Variants in VWA5B1 observed in about 807,000 individuals in gnomAD.
VWA5B1 encodes the protein von Willebrand factor A domain containing 5B1.
In VWA5B1, 115 loss-of-function variants were observed where a neutral mutation model predicts 118.2. The ratio of observed to expected loss-of-function variants is 0.97; its 90% CI spans 0.84 to 1.14. VWA5B1 has a LOEUF of 1.14. VWA5B1 is among the 50% of genes most tolerant of loss of function. The pLI is 0.00. For synonymous variants in VWA5B1, 682 were observed against 658.4 expected (o/e 1.04, Z -0.55); for missense variants, 1,596 against 1,603.8 (o/e 1.00, Z 0.08).
chr1:20,311,351 G>C (rs2088843055), intron 2 of VWA5B1, among the ~76,000 whole-genome samples: 1 of 152,200 alleles, frequency 6.6e-6, no homozygotes. Context: ...CTCACAAGAG[G>C]AGAGGCATCA....
In VWA5B1 at chr1:20,318,699, G is replaced by A; in HGVS notation, c.819G>A (p.Val273=). 1 of 1,520,588 alleles carries A rather than the reference G, an allele frequency of 6.6e-7. No individual in the cohort carries two copies. Among genetic ancestry groups the A allele is most frequent in the Non-Finnish European group, 8.9e-7 (1 of 1,128,650 alleles). 94.2% of individuals were successfully genotyped at this position (1,520,588 alleles called of 1,614,324 possible). The change falls in exon 6 of 22, where the codon GTG becomes GTA. Residue 273 remains valine (V), a synonymous_variant. Coordinates refer to ENST00000289815, the MANE Select transcript of VWA5B1 (RefSeq NM_001039500.3). ...ACAAGCACACCTTTGACCGGCCTGTGGAGATCCTCATCCACCCCAGCGGTA... is the reference window on the plus strand; with the variant it reads ...ACAAGCACACCTTTGACCGGCCTGTAGAGATCCTCATCCACCCCAGCGGTA... ...LANKHTFDRP[V]EILIHPSEPH... is the part of the protein sequence containing the mutation.
intron 1 of VWA5B1, among the ~76,000 whole-genome samples, chr1:20,306,826 A>G (rs554266005): frequency 1.3e-5 from 2 of 152,310 alleles, no homozygotes; most frequent in African/African-American, 2.4e-5. Flanking sequence ...CCAACATTTC[A>G]TCAGGAAAAC....
chr1:20,313,007 C>T lies in VWA5B1; in HGVS notation c.292+19C>T. The T allele has an allele frequency of 6.5e-7, 1 of 1,548,148 alleles. No homozygotes were observed. Among genetic ancestry groups the T allele is most frequent in the Non-Finnish European group, 8.7e-7 (1 of 1,144,766 alleles). On this transcript the variant is annotated intron_variant, in intron 3 of 21. Transcript: ENST00000289815. ...GTCACAGGTAAGGAGACCAGAAGGG[C>T]TGCCGCGGGACCTGGGTTTGGCCAG...
chr1:20,349,554 T>G (rs1194500270), intron 18 of VWA5B1, among the ~76,000 whole-genome samples: 1 of 151,936 alleles, frequency 6.6e-6, no homozygotes, highest in Non-Finnish European at 1.5e-5. Context: ...CCGCTCATTT[T>G]ATATTTTTAG....
Position 20,355,768 on chromosome 1 carries a change from AAGC to A in VWA5B1, c.*1509_*1511del, listed in dbSNP as rs1461422433. Among the ~76,000 whole-genome samples the A allele has an allele frequency of 6.6e-6, 1 of 152,130 alleles. No homozygotes were observed. The highest frequency in any genetic ancestry group is 1.5e-5 in the Non-Finnish European group (1 of 68,000). On this transcript the variant is annotated 3_prime_UTR_variant, in exon 22 of 22. Coordinates refer to ENST00000289815, the MANE Select transcript of VWA5B1 (RefSeq NM_001039500.3). ...CGCCCACTGGGCACAAGGGGAGAAAAAGCAGCCCCAACATGATATGGTGCCCTG... is the reference window on the plus strand; with the variant it reads ...CGCCCACTGGGCACAAGGGGAGAAAAAGCCCCAACATGATATGGTGCCCTG...
At chr1:20,303,674 A>G (rs2088563026) in intron 1 of VWA5B1, among the ~76,000 whole-genome samples, 1 of 152,176 alleles carries the variant, frequency 6.6e-6, no homozygotes, top group African/African-American at 2.4e-5. Flanking sequence ...ACTGGGACCT[A>G]GGTACCCCTA....
chr1:20,307,969 C>G (rs2088712600), intron 1 of VWA5B1, among the ~76,000 whole-genome samples: 1 of 151,842 alleles, frequency 6.6e-6, no homozygotes, highest in Admixed American at 6.6e-5. Context: ...GCCACTGATC[C>G]CGTCACCCAG....
chr1:20,336,489 T>G lies in VWA5B1; in HGVS notation c.1942+3T>G. The G allele has an allele frequency of 7.2e-7, 1 of 1,387,986 alleles. No homozygotes were observed. The highest frequency in any genetic ancestry group is 9.5e-7 in the Non-Finnish European group (1 of 1,056,752). 86.0% of individuals were successfully genotyped at this position (1,387,986 alleles called of 1,614,324 possible). A position where few individuals can be genotyped will look rare whatever the true frequency, so the allele number is the denominator to read the frequency against. Reference sequence around the variant, plus strand: ...CGGAGACTCTACCACCAAGCACGGTTCGTCTGCGGCTCTGATGATTGCTGC... The same window carrying G: ...CGGAGACTCTACCACCAAGCACGGTGCGTCTGCGGCTCTGATGATTGCTGC... On this transcript the variant is annotated splice_donor_region_variant and intron_variant, in intron 13 of 21. Coordinates refer to ENST00000289815, the MANE Select transcript of VWA5B1 (RefSeq NM_001039500.3).
At chr1:20,333,598 T>A (rs2089632951) in intron 12 of VWA5B1, among the ~76,000 whole-genome samples, 1 of 152,246 alleles carries the variant, frequency 6.6e-6, no homozygotes, top group Non-Finnish European at 1.5e-5. Flanking sequence ...GGTGCACACT[T>A]TAGTTCAAGA....
At chr1:20,352,559 A>G (rs1272289161) in intron 21 of VWA5B1, among the ~76,000 whole-genome samples, 1 of 152,182 alleles carries the variant, frequency 6.6e-6, no homozygotes, top group Non-Finnish European at 1.5e-5. Context: ...TAAAATTAAC[A>G]TCCCAGGGAC....
At chr1:20,346,463 T>TA (rs2090010948) in intron 17 of VWA5B1, among the ~76,000 whole-genome samples, 2 of 152,256 alleles carry the variant, frequency 1.3e-5, no homozygotes, top group Admixed American at 1.3e-4. Context: ...TTGGTTATTG[T>TA]AAATTATACC....
rs887475288 is a variant in VWA5B1, at chr1:20,319,478, TGAA to T, written c.947_949del (p.Lys316del). 1.5e-5 allele frequency: 23 copies of T among 1,551,566 alleles called. No homozygotes were observed. Among genetic ancestry groups the T allele is most frequent in the Admixed American group, 1.4e-4 (7 of 50,988 alleles). On this transcript the variant is annotated inframe_deletion, in exon 7 of 22. Transcript: ENST00000289815. ...GGAAGAACAGATTTCATTAAAGGGATGAAGAAGAAGAGCAGAGCAGAGCGGAAG... is the reference window on the plus strand; with the variant it reads ...GGAAGAACAGATTTCATTAAAGGGATGAAGAAGAGCAGAGCAGAGCGGAAG...
intron 1 of VWA5B1, among the ~76,000 whole-genome samples, chr1:20,307,768 C>T (rs1032099246): frequency 6.6e-6 from 1 of 151,406 alleles, no homozygotes; most frequent in Non-Finnish European, 1.5e-5. Flanking sequence ...ACCAGGCCTC[C>T]ACAGGATTTA....
At position 20,319,417 on chromosome 1, in the gene VWA5B1, G is replaced by C. The variant is rs922565789; in HGVS notation, c.877G>C (p.Asp293His). 1 of 1,551,782 alleles carries C rather than the reference G, an allele frequency of 6.4e-7. No homozygotes were observed. The highest frequency in any genetic ancestry group is 1.2e-5 in the South Asian group (1 of 84,062). The change falls in exon 7 of 22, where the codon GAC becomes CAC. Residue 293 changes from aspartate to histidine, a missense_variant. Transcript: ENST00000289815. Reference sequence around the variant, plus strand: ...GCCCCATGTCCTGATAGAGAAAGGGGACATGACCCTGGGAGAGTTTGACCA... The same window carrying C: ...GCCCCATGTCCTGATAGAGAAAGGGCACATGACCCTGGGAGAGTTTGACCA... ...HMPHVLIEKG[D>H]MTLGEFDQHL...
At chr1:20,299,303 C>A (rs2088462037) in intron 1 of VWA5B1, among the ~76,000 whole-genome samples, 2 of 152,212 alleles carry the variant, frequency 1.3e-5, no homozygotes, top group Non-Finnish European at 2.9e-5. Flanking sequence ...AGGGGCAATA[C>A]CAACCTTGCC....
chr1:20,350,341 C>A, intron 19 of VWA5B1, 111 bp downstream of exon 19: 1 of 1,208,762 alleles, frequency 8.3e-7, no homozygotes, highest in Non-Finnish European at 1.2e-6. Flanking sequence ...ATGGAGTCCT[C>A]AAAGCAGCCG....
At chr1:20,299,682 G>T (rs1012139693) in intron 1 of VWA5B1, among the ~76,000 whole-genome samples, 1 of 152,236 alleles carries the variant, frequency 6.6e-6, no homozygotes, top group African/African-American at 2.4e-5. Flanking sequence ...GGGATTACAG[G>T]CGTGAGCCAC....
chr1:20,335,296 T>G (rs1333564327), intron 12 of VWA5B1, among the ~76,000 whole-genome samples: 1 of 152,204 alleles, frequency 6.6e-6, no homozygotes, highest in Non-Finnish European at 1.5e-5. Flanking sequence ...CTACGTGCAG[T>G]GTGGAGACCC....
Position 20,314,497 on chromosome 1 carries a change from C to G in VWA5B1, c.468C>G (p.Ser156Arg). ...CCTCGGAGCTCCCAACGCTGCCCAG[C>G]GGGGCTGTGAGGGTCCTTCTGCCTG... is the stretch of plus-strand genomic sequence containing the variant. ...STSSELPTLP[S>R]GAVRVLLPAV... Residue 156 changes from serine (S) to arginine (R), a missense_variant, in exon 4 of 22, where the codon AGC (serine) becomes AGG (arginine). Physicochemically the swap from Ser to Arg is moderately radical, Grantham distance 110 (BLOSUM62 -1). Transcript: ENST00000289815. 1.9e-6 allele frequency: 3 copies of G among 1,551,768 alleles called. No homozygotes were observed. The South Asian group carries it at 3.6e-5, about 18-fold the overall frequency.
Sources: gnomAD v4.1 joint callset for allele counts (sites outside exome capture counted in the v4.1 genomes callset) on GRCh38, gnomAD v4.1.1 for gene constraint, MANE v1.5 for transcripts, NCBI Gene and HGNC (gene_info 2026-07-23, HGNC 2026-07-21) for gene names.